Variants in EMCN observed in about 807,000 individuals in gnomAD.
EMCN encodes MUC-14.
EMCN carries 37 observed loss-of-function variants against 38.4 expected under a neutral mutation model. The ratio of observed to expected loss-of-function variants is 0.96; its 90% confidence interval spans 0.74 to 1.27. EMCN has a LOEUF of 1.27. Among genes scored for constraint, EMCN ranks in the 50% most tolerant of loss-of-function variants. The pLI is 0.00. For missense variants in EMCN, 318 were observed against 302.8 expected, an observed-to-expected ratio of 1.05 and a Z score of -0.37; for synonymous variants, 95 against 100.8, an observed-to-expected ratio of 0.94 and a Z score of 0.35.
At chr4:100,435,561 A>C (rs948336508) in intron 5 of EMCN, among the ~76,000 whole-genome samples, 17 of 152,190 alleles carry the variant, frequency 1.1e-4, no homozygotes, top group Non-Finnish European at 2.5e-4. Context: ...AAGAGCCTGA[A>C]TATCCAAGGC....
At chr4:100,506,559 G>A (rs1415822881) in intron 1 of EMCN, among the ~76,000 whole-genome samples, 1 of 151,770 alleles carries the variant, frequency 6.6e-6, no homozygotes, top group Non-Finnish European at 1.5e-5. Flanking sequence ...GAGGGGATAT[G>A]AAGTCCAATT....
At chr4:100,441,587 C>T (rs1727519460) in intron 5 of EMCN, among the ~76,000 whole-genome samples, 1 of 152,090 alleles carries the variant, frequency 6.6e-6, no homozygotes, top group South Asian at 2.1e-4. Context: ...CTTTCTCTCT[C>T]ATTGTCTACC....
At chr4:100,511,848 T>C (rs1009846119) in intron 1 of EMCN, among the ~76,000 whole-genome samples, 4 of 143,330 alleles carry the variant, frequency 2.8e-5, no homozygotes, top group Admixed American at 7.0e-5. Context: ...AAAAAAAAAA[T>C]AGGAAGAGGA....
intron 1 of EMCN, among the ~76,000 whole-genome samples, chr4:100,494,651 A>C (rs1182549887): frequency 1.3e-5 from 2 of 152,276 alleles, no homozygotes; most frequent in Non-Finnish European, 2.9e-5. Context: ...ATAATTATCT[A>C]AGTACACATG....
chr4:100,487,487 G>T (rs996731929), intron 1 of EMCN, among the ~76,000 whole-genome samples: 1 of 152,130 alleles, frequency 6.6e-6, no homozygotes, highest in African/African-American at 2.4e-5. Context: ...ATTATCTCTT[G>T]AATTAAATCT....
intron 3 of EMCN, among the ~76,000 whole-genome samples, chr4:100,467,860 C>G (rs1404867764): frequency 6.6e-6 from 1 of 152,130 alleles, no homozygotes; most frequent in Non-Finnish European, 1.5e-5. Context: ...AATCTAAATA[C>G]TTTCTACTTT....
At position 100,397,115 on chromosome 4, in the gene EMCN, A is replaced by G. The variant is rs1726141155; in HGVS notation, c.*1298T>C. 1 of 152,058 alleles carries G rather than the reference A, an allele frequency of 6.6e-6. No individual in the cohort carries two copies. Among genetic ancestry groups the G allele is most frequent in the South Asian group, 2.1e-4 (1 of 4,830 alleles). The allele number at this position is 152,058 out of a possible 1,614,324, so 9.4% of individuals were successfully genotyped here. A position where few individuals can be genotyped will look rare whatever the true frequency, so the allele number is the denominator to read the frequency against. ...AGTTGTCAAAATACATCACCACAAA[A>G]CAAATTTTAAAAGGCTATTTTAAAT... On this transcript the variant is annotated 3_prime_UTR_variant, in exon 12 of 12. Coordinates refer to ENST00000296420, the MANE Select transcript of EMCN (RefSeq NM_016242.4).
At chr4:100,479,040 T>C (rs1216154491) in intron 2 of EMCN, among the ~76,000 whole-genome samples, 1 of 152,176 alleles carries the variant, frequency 6.6e-6, no homozygotes, top group African/African-American at 2.4e-5. Flanking sequence ...TAGTACTCTT[T>C]GTCTCTGAGA....
chr4:100,439,652 T>C (rs1479819493), intron 5 of EMCN, among the ~76,000 whole-genome samples: 1 of 151,722 alleles, frequency 6.6e-6, no homozygotes, highest in African/African-American at 2.4e-5. Context: ...TTTTATTATT[T>C]TCTTCTTTCT....
chr4:100,478,842 G>A (rs1418614836), intron 2 of EMCN, among the ~76,000 whole-genome samples: 2 of 152,064 alleles, frequency 1.3e-5, no homozygotes, highest in Admixed American at 6.6e-5. Flanking sequence ...ATCAGTGAAA[G>A]TGTCCCAAAA....
chr4:100,493,262 C>T (rs1268021312), intron 1 of EMCN, among the ~76,000 whole-genome samples: 2 of 152,146 alleles, frequency 1.3e-5, no homozygotes, highest in African/African-American at 2.4e-5. Flanking sequence ...ACTTTGATGA[C>T]CACTTTTCTA....
chr4:100,461,956 T>G (rs1418440551), intron 4 of EMCN, among the ~76,000 whole-genome samples: 1 of 152,168 alleles, frequency 6.6e-6, no homozygotes, highest in Admixed American at 6.5e-5. Flanking sequence ...AGTGTTTATG[T>G]GTGATGGGCG....
In EMCN at chr4:100,475,208, C is replaced by T. The variant is rs866338645; in HGVS notation, c.188-99G>A. On this transcript the variant is annotated intron_variant, in intron 2 of 11. Transcript: ENST00000296420. ...AATCTATAGGTGGACTGGCATTCTC[C>T]TTTGTCTATCTTTAATTTTTCCCAT... The T allele has an allele frequency of 4.9e-5, 24 of 486,896 alleles. No individual in the cohort carries two copies. The Middle Eastern group carries it at 4.0e-3, about 82-fold the overall frequency. 30.2% of individuals were successfully genotyped at this position (486,896 alleles called of 1,614,324 possible). A position where few individuals can be genotyped will look rare whatever the true frequency, so the allele number is the denominator to read the frequency against.
At chr4:100,417,304 T>G (rs1473312354) in intron 8 of EMCN, among the ~76,000 whole-genome samples, 163 bp from the exon 9 acceptor site, 3 of 152,202 alleles carry the variant, frequency 2.0e-5, no homozygotes, top group Non-Finnish European at 4.4e-5. Context: ...AGCCATTTCC[T>G]CAGGTATGGT....
chr4:100,490,450 C>T (rs182336204), intron 1 of EMCN, among the ~76,000 whole-genome samples: 57 of 152,172 alleles, frequency 3.7e-4, no homozygotes, highest in Non-Finnish European at 7.6e-4. Context: ...GCAGTAAATT[C>T]CTAGACCTTC....
chr4:100,405,187 A>G (rs1205598984), intron 11 of EMCN, among the ~76,000 whole-genome samples: 4 of 151,946 alleles, frequency 2.6e-5, no homozygotes, highest in African/African-American at 7.2e-5. Flanking sequence ...TCTTCTCTTC[A>G]TATTTGAATG....
At chr4:100,436,618 C>A (rs192592143) in intron 5 of EMCN, among the ~76,000 whole-genome samples, 242 of 152,306 alleles carry the variant, frequency 1.6e-3, no homozygotes, top group African/African-American at 5.5e-3. Flanking sequence ...ACCCAAACGT[C>A]CATCAGTGAT....
chr4:100,402,156 G>A (rs796577025), intron 11 of EMCN, among the ~76,000 whole-genome samples: 34 of 152,102 alleles, frequency 2.2e-4, no homozygotes, highest in African/African-American at 7.2e-4. Context: ...ATGCTCCCAC[G>A]AAGTAAAGCT....
chr4:100,414,551 G>A (rs1578396096), intron 10 of EMCN, among the ~76,000 whole-genome samples: 1 of 152,054 alleles, frequency 6.6e-6, no homozygotes, highest in East Asian at 1.9e-4. Flanking sequence ...GGAAATATGT[G>A]TATTGAAGAG....
Sources: gnomAD v4.1 joint callset for allele counts (sites outside exome capture counted in the v4.1 genomes callset) on GRCh38, gnomAD v4.1.1 for gene constraint, MANE v1.5 for transcripts, NCBI Gene and HGNC (gene_info 2026-07-23, HGNC 2026-07-21) for gene names.